LYPD6: variants seen among roughly 807,000 people sequenced by gnomAD.
The protein encoded by LYPD6 is LY6/PLAUR domain containing 6, also known as ly6/PLAUR domain-containing protein 6.
In LYPD6, 15 loss-of-function variants were observed where a neutral mutation model predicts 22.7. That is an observed-to-expected ratio of 0.66 (90% confidence interval 0.44 to 1.02). LYPD6 has a LOEUF of 1.02. Ranked by LOEUF, LYPD6 falls within the 50% of genes least tolerant of loss-of-function variation. LYPD6 has a pLI of 0.00. For synonymous variants in LYPD6, 72 were observed against 77.5 expected (o/e 0.93, Z 0.37); for missense variants, 189 against 208.4 (o/e 0.91, Z 0.57).
At chr2:149,433,363 C>T (rs1683358933) in intron 1 of LYPD6, among the ~76,000 whole-genome samples, 1 of 152,182 alleles carries the variant, frequency 6.6e-6, no homozygotes, top group Non-Finnish European at 1.5e-5. Flanking sequence ...CCATCCTGTG[C>T]ACACACAGGA....
chr2:149,437,048 C>G (rs528895557), intron 1 of LYPD6, among the ~76,000 whole-genome samples: 5 of 152,188 alleles, frequency 3.3e-5, no homozygotes, highest in Non-Finnish European at 7.3e-5. Context: ...CTACCTCATA[C>G]GGTTGCTGGG....
At chr2:149,459,989 AATT>A (rs561474449) in intron 3 of LYPD6, among the ~76,000 whole-genome samples, 9 of 152,182 alleles carry the variant, frequency 5.9e-5, no homozygotes, top group Non-Finnish European at 1.2e-4. Flanking sequence ...TAATTGGTAA[AATT>A]ATGATGCCAG....
intron 1 of LYPD6, among the ~76,000 whole-genome samples, chr2:149,331,172 G>A (rs1680930884): frequency 6.6e-6 from 1 of 152,144 alleles, no homozygotes; most frequent in Non-Finnish European, 1.5e-5. Context: ...TAGCCCGGCT[G>A]CGGCCACCCG....
At chr2:149,433,133 T>C (rs1218785019) in intron 1 of LYPD6, among the ~76,000 whole-genome samples, 1 of 152,160 alleles carries the variant, frequency 6.6e-6, no homozygotes, top group Non-Finnish European at 1.5e-5. Context: ...ACAAGTAAAA[T>C]GTATTGTGAG....
the LYPD6 span, among the ~76,000 whole-genome samples, chr2:149,480,397 C>T: frequency 6.6e-6 from 1 of 152,094 alleles, no homozygotes; most frequent in Admixed American, 6.6e-5. Context: ...TACTCTTCAC[C>T]CTCTCTCCAT....
intron 1 of LYPD6, among the ~76,000 whole-genome samples, chr2:149,346,773 T>C (rs936364168): frequency 2.0e-5 from 3 of 152,214 alleles, no homozygotes; most frequent in Non-Finnish European, 4.4e-5. Flanking sequence ...TGATCTCGGC[T>C]CACTGCAACC....
At chr2:149,378,096 A>C (rs1681971180) in intron 1 of LYPD6, among the ~76,000 whole-genome samples, 1 of 152,084 alleles carries the variant, frequency 6.6e-6, no homozygotes, top group Non-Finnish European at 1.5e-5. Context: ...TCATAGTAAT[A>C]ATCAAGGGAG....
At chr2:149,426,071 G>A (rs1475221818) in intron 1 of LYPD6, among the ~76,000 whole-genome samples, 2 of 152,216 alleles carry the variant, frequency 1.3e-5, no homozygotes, top group Non-Finnish European at 2.9e-5. Flanking sequence ...CCAGTGGTTT[G>A]CAAATAGGGT....
chr2:149,478,041 G>A (rs954508651), downstream of LYPD6, among the ~76,000 whole-genome samples: 6 of 152,094 alleles, frequency 3.9e-5, no homozygotes, highest in African/African-American at 1.4e-4. Flanking sequence ...CATCTTTGAC[G>A]GTTGTAGCCC....
chr2:149,465,157 G>A (rs886261076), intron 3 of LYPD6, among the ~76,000 whole-genome samples: 29 of 152,196 alleles, frequency 1.9e-4, no homozygotes, highest in Non-Finnish European at 7.3e-5. Context: ...GGAAAGTGTT[G>A]AAAGTGGAGA....
At position 149,428,569 on chromosome 2, in the gene LYPD6, C is replaced by G. The variant is rs190301229; in HGVS notation, c.-71-9069C>G. 3.1e-4 allele frequency among the ~76,000 whole-genome samples: 47 copies of G among 152,256 alleles called. No homozygotes were observed. The East Asian group carries it at 5.0e-3, about 16-fold the overall frequency. The stretch of plus-strand genomic sequence containing the variant: ...GAGAAGACTGGTTTATTTTTCCATT[C>G]TCACTTGAAAAATATTCAGGAAGAC... On this transcript the variant is annotated intron_variant, in intron 1 of 4. Transcript: ENST00000334166.
In LYPD6 at chr2:149,332,085, T is replaced by C. The variant is rs576298331; in HGVS notation, c.-72+1363T>C. 5.3e-5 allele frequency among the ~76,000 whole-genome samples: 8 copies of C among 152,334 alleles called. No individual in the cohort carries two copies. The East Asian group carries it at 1.4e-3, about 26-fold the overall frequency. The stretch of plus-strand genomic sequence containing the variant: ...TTTGTGCAATCGCCCATGAAATGGG[T>C]TAATGCACATTTATGTTAAACCCAT... On this transcript the variant is annotated intron_variant, in intron 1 of 4. Coordinates refer to ENST00000334166, the MANE Select transcript of LYPD6 (RefSeq NM_194317.5).
chr2:149,454,204 A>G (rs921153797), intron 3 of LYPD6, among the ~76,000 whole-genome samples: 3 of 152,234 alleles, frequency 2.0e-5, no homozygotes, highest in African/African-American at 7.2e-5. Flanking sequence ...TGAAGAGATC[A>G]TAAGTGCACA....
At chr2:149,403,233 T>G (rs1407312774) in intron 1 of LYPD6, among the ~76,000 whole-genome samples, 1 of 152,006 alleles carries the variant, frequency 6.6e-6, no homozygotes, top group Non-Finnish European at 1.5e-5. Flanking sequence ...TGTAGTCCTT[T>G]GGGTATATAC....
downstream of LYPD6, among the ~76,000 whole-genome samples, chr2:149,478,186 G>A (rs1299441374): frequency 6.6e-6 from 1 of 152,214 alleles, no homozygotes; most frequent in East Asian, 1.9e-4. Context: ...TTTAAAGACA[G>A]TGGGACAGCA....
chr2:149,461,935 C>G (rs1396354718), intron 3 of LYPD6, among the ~76,000 whole-genome samples: 3 of 152,024 alleles, frequency 2.0e-5, no homozygotes, highest in African/African-American at 7.2e-5. Flanking sequence ...CTACCACTAA[C>G]ATTATGCTTA....
At chr2:149,374,816 A>T (rs960531218) in intron 1 of LYPD6, among the ~76,000 whole-genome samples, 3 of 152,216 alleles carry the variant, frequency 2.0e-5, no homozygotes, top group Non-Finnish European at 4.4e-5. Context: ...GCATAGTCAT[A>T]TTTATGCAAT....
At position 149,439,177 on chromosome 2, in the gene LYPD6, A is replaced by G. The variant is rs530860527; in HGVS notation, c.118+1351A>G. ...GGGGGTGCTGAGAATACAATGCTCCAGTGTTGTATAACTCCCATATACTTT... is the reference window on the plus strand; with the variant it reads ...GGGGGTGCTGAGAATACAATGCTCCGGTGTTGTATAACTCCCATATACTTT... On this transcript the variant is annotated intron_variant, in intron 2 of 4. Transcript: ENST00000334166. Among the ~76,000 whole-genome samples the G allele has an allele frequency of 3.2e-3, 482 of 152,286 alleles. 1 individual carries two copies. The highest frequency in any genetic ancestry group is 0.011 in the African/African-American group (455 of 41,562).
chr2:149,480,318 T>G, the LYPD6 span, among the ~76,000 whole-genome samples: 5 of 152,118 alleles, frequency 3.3e-5, no homozygotes, highest in Non-Finnish European at 7.4e-5. Context: ...CCTCTGCTTT[T>G]CTTTTCTTTG....
Sources: gnomAD v4.1 joint callset for allele counts (sites outside exome capture counted in the v4.1 genomes callset) on GRCh38, gnomAD v4.1.1 for gene constraint, MANE v1.5 for transcripts, NCBI Gene and HGNC (gene_info 2026-07-23, HGNC 2026-07-21) for gene names.